Variants in RAB12 observed in about 807,000 individuals in gnomAD.
RAB12 encodes ras-related protein Rab-12.
A neutral mutation model predicts 28.4 loss-of-function variants in RAB12; 11 were observed. The ratio of observed to expected loss-of-function variants is 0.39; its 90% CI spans 0.24 to 0.64. The LOEUF (loss-of-function observed/expected upper bound fraction) is 0.64, where lower values mean the gene tolerates loss of function less well. RAB12 is among the 30% of genes least tolerant of loss of function. The probability of loss-of-function intolerance (pLI) is 0.50; values close to 1 mark genes in which losing one functional copy is unlikely to be tolerated. For synonymous variants in RAB12, 138 were observed against 145.3 expected, an observed-to-expected ratio of 0.95 and a Z score of 0.36; for missense variants, 276 against 351.1, an observed-to-expected ratio of 0.79 and a Z score of 1.71.
chr18:8,623,122 C>T (rs571497250), intron 1 of RAB12, among the ~76,000 whole-genome samples: 3 of 152,258 alleles, frequency 2.0e-5, no homozygotes, highest in Middle Eastern at 3.4e-3. Context: ...TCCTCCTCGG[C>T]TTACAAGATG....
chr18:8,638,492 A>G lies in RAB12; in HGVS notation c.*230A>G, dbSNP rs900126704. ...TTCATTACCCCAGTGTCTAGTGTAC[A>G]TACACTGGGAAACCTAGTACTTCTA... On this transcript the variant is annotated 3_prime_UTR_variant, in exon 6 of 6. Coordinates refer to ENST00000649141, the MANE Select transcript of RAB12 (RefSeq NM_001025300.3). The G allele has an allele frequency of 2.2e-6, 1 of 458,694 alleles. No homozygotes were observed. The highest frequency in any genetic ancestry group is 3.9e-6 in the Non-Finnish European group (1 of 254,054). 28.4% of individuals were successfully genotyped at this position (458,694 alleles called of 1,614,324 possible). A position where few individuals can be genotyped will look rare whatever the true frequency, so the allele number is the denominator to read the frequency against.
chr18:8,619,857 A>T lies in RAB12; in HGVS notation c.515-5081A>T, dbSNP rs73942009. ...AGTACTAAAGGAAATTAAGGTCAAG[A>T]ATAAGACACCGGCACAGTTGCTCAT... On this transcript the variant is annotated intron_variant, in intron 1 of 5. Coordinates refer to ENST00000649141, the MANE Select transcript of RAB12 (RefSeq NM_001025300.3). Among the ~76,000 whole-genome samples, 309 of 152,296 alleles carry T rather than the reference A, an allele frequency of 2.0e-3. 2 individuals are homozygous for T. The highest frequency in any genetic ancestry group is 7.3e-3 in the African/African-American group (302 of 41,552).
At chr18:8,624,028 G>A (rs1347716299) in intron 1 of RAB12, among the ~76,000 whole-genome samples, 1 of 152,268 alleles carries the variant, frequency 6.6e-6, no homozygotes, top group Non-Finnish European at 1.5e-5. Flanking sequence ...CCAGGGCCTT[G>A]CCCTCTGCAG....
intron 2 of RAB12, among the ~76,000 whole-genome samples, chr18:8,631,293 A>G (rs1417637707): frequency 6.6e-6 from 1 of 152,254 alleles, no homozygotes; most frequent in Non-Finnish European, 1.5e-5. Context: ...GGAGAGTTGT[A>G]GACTTAAATA....
chr18:8,624,222 GA>G, intron 1 of RAB12, among the ~76,000 whole-genome samples: 1 of 152,156 alleles, frequency 6.6e-6, no homozygotes, highest in Non-Finnish European at 1.5e-5. Flanking sequence ...ATATTGTTGT[GA>G]AATATTTACA....
chr18:8,620,452 A>G (rs2096009287), intron 1 of RAB12, among the ~76,000 whole-genome samples: 3 of 151,874 alleles, frequency 2.0e-5, no homozygotes, highest in African/African-American at 4.8e-5. Context: ...CCTGTGAGGA[A>G]CTGTAGGAGA....
rs548014976 is a variant in RAB12 at position 8,637,780 on chromosome 18, G to A, written c.910-369G>A. On this transcript the variant is annotated intron_variant, in intron 5 of 5. Coordinates refer to ENST00000649141, the MANE Select transcript of RAB12 (RefSeq NM_001025300.3). ...TTAACACATAGGTTGTATGTTATAC[G>A]TATTTTATACCATGTTCTTAAAGTA... is the stretch of plus-strand genomic sequence containing the variant. Among the ~76,000 whole-genome samples the A allele has an allele frequency of 4.6e-5, 7 of 152,152 alleles. No individual in the cohort carries two copies. The East Asian group carries it at 9.7e-4, about 21-fold the overall frequency.
intron 1 of RAB12, among the ~76,000 whole-genome samples, chr18:8,619,391 A>G (rs1262243515): frequency 2.0e-5 from 3 of 152,256 alleles, no homozygotes; most frequent in African/African-American, 7.2e-5. Context: ...GCAAAAAGAA[A>G]CAGTAGTGTG....
At chr18:8,618,480 T>A (rs1303326396) in intron 1 of RAB12, among the ~76,000 whole-genome samples, 1 of 152,076 alleles carries the variant, frequency 6.6e-6, no homozygotes, top group Non-Finnish European at 1.5e-5. Flanking sequence ...AAGACAGGTC[T>A]ACTAGCAGTG....
At chr18:8,620,574 T>C (rs772784813) in intron 1 of RAB12, among the ~76,000 whole-genome samples, 1 of 151,914 alleles carries the variant, frequency 6.6e-6, no homozygotes, top group South Asian at 2.1e-4. Flanking sequence ...TTTTTTTAAC[T>C]AATCAGTCCT....
chr18:8,609,901 G>C lies in RAB12; in HGVS notation c.462G>C (p.Leu154=), dbSNP rs201144141. ...IGSRGVGKTS[L]MERFTDDTFC... is the part of the protein sequence containing the mutation. ...CCCGCGGCGTGGGCAAGACCAGCCT[G>C]ATGGAGCGCTTCACCGACGACACCT... is the stretch of plus-strand genomic sequence containing the variant. The change falls in exon 1 of 6, where the codon CTG becomes CTC. Residue 154 remains leucine, a synonymous_variant. Transcript: ENST00000649141. 1 of 1,609,266 alleles carries C rather than the reference G, an allele frequency of 6.2e-7. No individual in the cohort carries two copies. Among genetic ancestry groups the C allele is most frequent in the Non-Finnish European group, 8.5e-7 (1 of 1,178,304 alleles).
At chr18:8,614,796 G>T (rs2096005857) in intron 1 of RAB12, among the ~76,000 whole-genome samples, 2 of 152,094 alleles carry the variant, frequency 1.3e-5, no homozygotes, top group Admixed American at 1.3e-4. Flanking sequence ...ATGTTGGCCA[G>T]GCTGGTCTCG....
chr18:8,612,657 G>A (rs1168511481), intron 1 of RAB12, among the ~76,000 whole-genome samples: 1 of 152,096 alleles, frequency 6.6e-6, no homozygotes, highest in African/African-American at 2.4e-5. Flanking sequence ...TCCATTAAGA[G>A]CCTTTTTATT....
chr18:8,611,560 G>T (rs1248385716), intron 1 of RAB12, among the ~76,000 whole-genome samples: 1 of 152,132 alleles, frequency 6.6e-6, no homozygotes, highest in Non-Finnish European at 1.5e-5. Flanking sequence ...TTCCTTAGGG[G>T]ACTTGGGAAT....
chr18:8,637,928 T>TGAGGAGGAG (rs367637160), intron 5 of RAB12, among the ~76,000 whole-genome samples: 51 of 151,420 alleles, frequency 3.4e-4, no homozygotes, highest in African/African-American at 1.1e-3. Flanking sequence ...TTGAGTAGGC[T>TGAGGAGGAG]GAGGAGGAGG....
At chr18:8,614,505 T>TAAAAAAAAAAAA in intron 1 of RAB12, among the ~76,000 whole-genome samples, 1 of 87,284 alleles carries the variant, frequency 1.1e-5, no homozygotes, top group Non-Finnish European at 2.6e-5. Context: ...GTAAGAACAT[T>TAAAAAAAAAAAA]AAAAAAAAAA....
chr18:8,614,514 A>AAAG (rs1437212627), intron 1 of RAB12, among the ~76,000 whole-genome samples: 1 of 141,914 alleles, frequency 7.0e-6, no homozygotes, highest in Non-Finnish European at 1.6e-5. Context: ...TTAAAAAAAA[A>AAAG]AAAAGAAAAA....
intron 4 of RAB12, 59 bp from the exon 5 acceptor site, chr18:8,636,194 G>T: frequency 8.9e-7 from 1 of 1,128,056 alleles, no homozygotes; most frequent in Non-Finnish European, 1.3e-6. Flanking sequence ...GAGACCTCAT[G>T]CTCGCACGCT....
intron 5 of RAB12, among the ~76,000 whole-genome samples, chr18:8,636,876 T>C (rs1351801046): frequency 6.6e-6 from 1 of 152,234 alleles, no homozygotes; most frequent in African/African-American, 2.4e-5. Context: ...CAGGCATCTT[T>C]AGGCTTACAT....
Sources: gnomAD v4.1 joint callset for allele counts (sites outside exome capture counted in the v4.1 genomes callset) on GRCh38, gnomAD v4.1.1 for gene constraint, MANE v1.5 for transcripts, NCBI Gene and HGNC (gene_info 2026-07-23, HGNC 2026-07-21) for gene names.